Variants in PTPRN2 observed in about 807,000 individuals in gnomAD.
PTPRN2 encodes protein tyrosine phosphatase receptor type N2.
In PTPRN2, 74 loss-of-function variants were observed where a neutral mutation model predicts 118.8. The ratio of observed to expected loss-of-function variants is 0.62; its 90% confidence interval spans 0.52 to 0.76. The LOEUF (loss-of-function observed/expected upper bound fraction) is 0.76. PTPRN2 is among the 30% of genes least tolerant of loss of function. The pLI, the probability that PTPRN2 is intolerant of heterozygous loss-of-function variation, is 0.00. For missense variants in PTPRN2, 1,481 were observed against 1,394.4 expected, an observed-to-expected ratio of 1.06 and a Z score of -0.99; for synonymous variants, 641 against 608.0, an observed-to-expected ratio of 1.05 and a Z score of -0.80.
chr7:157,576,771 C>T lies in PTPRN2; in HGVS notation c.2625G>A (p.Leu875=), dbSNP rs1373453455. ...SNLYHIYEVN[L]VSEHIWCEDF... is the part of the protein sequence containing the mutation. ...CCTCACACCAGATGTGCTCGGAGACCAGGTTCACCTGGCAGGGAGGAGCGG... is the reference window on the plus strand; with the variant it reads ...CCTCACACCAGATGTGCTCGGAGACTAGGTTCACCTGGCAGGGAGGAGCGG... The change falls in exon 19 of 23, where the codon CTG becomes CTA. Residue 875 remains leucine (L), a synonymous_variant. Coordinates refer to ENST00000389418, the MANE Select transcript of PTPRN2 (RefSeq NM_002847.5). 1 of 1,602,360 alleles carries T rather than the reference C, an allele frequency of 6.2e-7. No individual in the cohort carries two copies. The highest frequency in any genetic ancestry group is 1.7e-5 in the Admixed American group (1 of 58,614).
chr7:157,771,699 A>G (rs567181124), intron 12 of PTPRN2, among the ~76,000 whole-genome samples: 1 of 151,856 alleles, frequency 6.6e-6, no homozygotes, highest in East Asian at 1.9e-4. Context: ...AGACACACAA[A>G]CACACAGACA....
intron 1 of PTPRN2, among the ~76,000 whole-genome samples, chr7:158,578,728 T>C (rs1257771791): frequency 6.6e-6 from 1 of 151,960 alleles, no homozygotes; most frequent in Non-Finnish European, 1.5e-5. Context: ...CCAGTGTCTA[T>C]TGTTCCCTTA....
chr7:158,411,069 C>T (rs563799080), intron 2 of PTPRN2, among the ~76,000 whole-genome samples: 1 of 152,108 alleles, frequency 6.6e-6, no homozygotes, highest in East Asian at 1.9e-4. Context: ...GGGCCCTCTC[C>T]TCCCTGGCAC....
chr7:157,987,857 C>A lies in PTPRN2; in HGVS notation c.1724-89120G>T, dbSNP rs1563302917. ...GGTGGCCCCATCACTTCTGACACCT[C>A]CATCACTGATGCCCCCAGCTCTCCC... On this transcript the variant is annotated intron_variant, in intron 11 of 22. Transcript: ENST00000389418. The surrounding 1 kb of genome is among the most constrained non-coding windows in gnomAD (Gnocchi z 4.3). 2.0e-5 allele frequency among the ~76,000 whole-genome samples: 3 copies of A among 152,104 alleles called. No individual in the cohort carries two copies. The highest frequency in any genetic ancestry group is 2.9e-5 in the Non-Finnish European group (2 of 68,006).
intron 2 of PTPRN2, among the ~76,000 whole-genome samples, chr7:158,436,700 G>A (rs1437139900): frequency 6.6e-6 from 1 of 152,212 alleles, no homozygotes; most frequent in Non-Finnish European, 1.5e-5. Context: ...AACTTGAATT[G>A]ATGGGGTGTT....
intron 2 of PTPRN2, among the ~76,000 whole-genome samples, chr7:158,440,133 C>T (rs1038382290): frequency 6.6e-6 from 1 of 152,224 alleles, no homozygotes; most frequent in Non-Finnish European, 1.5e-5. Context: ...GTTGCAACAA[C>T]AGATGGTGTG....
intron 2 of PTPRN2, among the ~76,000 whole-genome samples, chr7:158,484,994 C>G (rs1056335957): frequency 6.6e-6 from 1 of 152,166 alleles, no homozygotes; most frequent in African/African-American, 2.4e-5. Context: ...GCAAGGGCAC[C>G]CCTCCCAGCC....
intron 1 of PTPRN2, among the ~76,000 whole-genome samples, chr7:158,586,280 G>T (rs1033303719): frequency 8.5e-5 from 13 of 152,222 alleles, no homozygotes; most frequent in African/African-American, 3.1e-4. Context: ...GTCAACTCAG[G>T]AGTCCAGGGA....
intron 2 of PTPRN2, among the ~76,000 whole-genome samples, chr7:158,359,944 C>A (rs561920464): frequency 6.6e-5 from 10 of 152,046 alleles, no homozygotes; most frequent in Admixed American, 2.0e-4. Flanking sequence ...GAAGACAAGC[C>A]CCTCAGTGGG....
intron 2 of PTPRN2, among the ~76,000 whole-genome samples, chr7:158,432,979 C>T (rs990579840): frequency 6.6e-6 from 1 of 152,182 alleles, no homozygotes; most frequent in African/African-American, 2.4e-5. Flanking sequence ...TCTCAGTCAC[C>T]ATCATTCTAA....
At chr7:158,500,095 G>T (rs1822248915) in intron 1 of PTPRN2, among the ~76,000 whole-genome samples, 2 of 148,844 alleles carry the variant, frequency 1.3e-5, no homozygotes, top group South Asian at 4.2e-4. Context: ...AGATAGGAAA[G>T]AATATTGCCT....
At position 158,192,409 on chromosome 7, in the gene PTPRN2, G is replaced by A. The variant is rs887267646; in HGVS notation, c.467C>T (p.Pro156Leu). Residue 156 changes from proline to leucine, a missense_variant, in exon 5 of 23, where the codon CCC becomes CTC. Physicochemically the swap from Pro to Leu is moderately conservative, Grantham distance 98. This residue lies in a region of PTPRN2 where 1,115 missense variants were observed against 994.2 expected (regional missense o/e 1.12). Transcript: ENST00000389418. Reference protein sequence around the residue: ...ALANALRRHLPFLEALSQAPA... With the variant: ...ALANALRRHLLFLEALSQAPA... Reference sequence around the variant, plus strand: ...GGCCTGGGACAGGGCCTCCAGGAAGGGCAGGTGGCGTCGGAGGGCGTTGGC... The same window carrying A: ...GGCCTGGGACAGGGCCTCCAGGAAGAGCAGGTGGCGTCGGAGGGCGTTGGC... 1.3e-6 allele frequency: 2 copies of A among 1,541,780 alleles called. No homozygotes were observed. Among genetic ancestry groups the A allele is most frequent in the Non-Finnish European group, 1.7e-6 (2 of 1,154,370 alleles).
chr7:158,558,757 TAA>T (rs769102456), intron 1 of PTPRN2, among the ~76,000 whole-genome samples: 797 of 59,750 alleles, frequency 0.013, 6 homozygotes, highest in African/African-American at 0.046. Context: ...AGTGCTAGAC[TAA>T]AAAAAAAAAA....
chr7:157,640,789 A>T (rs924544959), intron 14 of PTPRN2, among the ~76,000 whole-genome samples: 3 of 152,224 alleles, frequency 2.0e-5, no homozygotes, highest in African/African-American at 7.2e-5. Flanking sequence ...GTAATAAAAG[A>T]AAAAGAAATA....
intron 3 of PTPRN2, among the ~76,000 whole-genome samples, chr7:158,267,119 T>G (rs1205171187): frequency 2.6e-5 from 4 of 152,230 alleles, no homozygotes; most frequent in African/African-American, 9.6e-5. Flanking sequence ...CGGGAAGCTC[T>G]TGCATTTAAG....
chr7:157,969,610 C>T (rs78410582), intron 11 of PTPRN2, among the ~76,000 whole-genome samples: 5,854 of 151,484 alleles, frequency 0.039, 287 homozygotes, highest in African/African-American at 0.11. Flanking sequence ...GTGGAGGAGG[C>T]GAGATGCTTG....
At chr7:158,075,545 G>C (rs113781895) in intron 11 of PTPRN2, among the ~76,000 whole-genome samples, 1 of 152,136 alleles carries the variant, frequency 6.6e-6, no homozygotes, top group South Asian at 2.1e-4. Context: ...GAGCCTGCGG[G>C]GCCCACTGTG....
chr7:158,298,446 T>C (rs1318926663), intron 3 of PTPRN2, among the ~76,000 whole-genome samples: 1 of 152,246 alleles, frequency 6.6e-6, no homozygotes, highest in Non-Finnish European at 1.5e-5. Context: ...ATGAAATATC[T>C]TGGGGACAGG....
intron 1 of PTPRN2, among the ~76,000 whole-genome samples, chr7:158,508,028 C>T (rs569824090): frequency 4.7e-5 from 7 of 148,718 alleles, no homozygotes; most frequent in South Asian, 2.1e-4. Flanking sequence ...CAGTGAGGAC[C>T]GTCCAGGGGA....
Sources: gnomAD v4.1 joint callset for allele counts (sites outside exome capture counted in the v4.1 genomes callset) on GRCh38, gnomAD v4.1.1 for gene constraint, gnomAD v4.1.1 regional missense constraint, Gnocchi (gnomAD v3.1) non-coding constraint, MANE v1.5 for transcripts, NCBI Gene and HGNC (gene_info 2026-07-23, HGNC 2026-07-21) for gene names.